The following PRDM6 variants were observed in gnomAD, a reference collection of about 807,000 sequenced individuals.
The protein encoded by PRDM6 is PR/SET domain 6.
A neutral mutation model predicts 60.8 loss-of-function variants in PRDM6; 25 were observed. The observed-to-expected ratio is 0.41, with a 90% CI of 0.30 to 0.57. The LOEUF (loss-of-function observed/expected upper bound fraction) is 0.57. Among genes scored for constraint, PRDM6 ranks in the 20% least tolerant of loss-of-function variants. The pLI is 0.27. For synonymous variants in PRDM6, 407 were observed against 357.4 expected (o/e 1.14, Z -1.57); for missense variants, 839 against 821.3 (o/e 1.02, Z -0.26).
In PRDM6 at chr5:123,103,252, G is replaced by T. The variant is rs535530013; in HGVS notation, c.900+3291G>T. Among the ~76,000 whole-genome samples, 8 of 151,764 alleles carry T rather than the reference G, an allele frequency of 5.3e-5. No homozygotes were observed. In the South Asian group the frequency reaches 1.7e-3, roughly 32 times the overall value. ...TAATTTTTTATTTTTTATAGTTTAAGAAGATTACAAGCTAAAAGCCAAATA... is the reference window on the plus strand; with the variant it reads ...TAATTTTTTATTTTTTATAGTTTAATAAGATTACAAGCTAAAAGCCAAATA... On this transcript the variant is annotated intron_variant, in intron 3 of 7. Coordinates refer to ENST00000407847, the MANE Select transcript of PRDM6 (RefSeq NM_001136239.4).
intron 2 of PRDM6, among the ~76,000 whole-genome samples, chr5:123,095,213 C>A (rs923570276): frequency 2.0e-5 from 3 of 152,212 alleles, no homozygotes; most frequent in Admixed American, 6.5e-5. Flanking sequence ...TGGCGGGGTG[C>A]AGTGGGGACG....
intron 3 of PRDM6, among the ~76,000 whole-genome samples, chr5:123,154,497 G>C (rs905938977): frequency 6.6e-6 from 1 of 151,094 alleles, no homozygotes; most frequent in Non-Finnish European, 1.5e-5. Context: ...ATGAGTTCAA[G>C]AAAAGCAAAA....
At chr5:123,183,755 A>G (rs1025896039) in intron 7 of PRDM6, among the ~76,000 whole-genome samples, 1 of 152,292 alleles carries the variant, frequency 6.6e-6, no homozygotes, top group Middle Eastern at 3.4e-3. Context: ...GGAAGGAAAT[A>G]AAGAAGTTAG....
At chr5:123,177,611 TACAC>T in intron 6 of PRDM6, among the ~76,000 whole-genome samples, 1 of 152,168 alleles carries the variant, frequency 6.6e-6, no homozygotes, top group Non-Finnish European at 1.5e-5. Context: ...AATGAGCATG[TACAC>T]ACACACACAA....
intron 6 of PRDM6, 25 bp downstream of exon 6, chr5:123,171,133 A>G (rs1765882255): frequency 2.0e-6 from 3 of 1,503,086 alleles, no homozygotes; most frequent in Middle Eastern, 1.7e-4. Flanking sequence ...CACTGCTGAC[A>G]GTGTGTTTGC....
chr5:123,149,522 T>C (rs560196513), intron 3 of PRDM6, among the ~76,000 whole-genome samples: 22 of 152,104 alleles, frequency 1.4e-4, no homozygotes, highest in Non-Finnish European at 3.2e-4. Context: ...ATTAAAACAT[T>C]TGTACTTGTT....
At chr5:123,176,269 G>GGA (rs1580540132) in intron 6 of PRDM6, among the ~76,000 whole-genome samples, 1 of 77,334 alleles carries the variant, frequency 1.3e-5, no homozygotes, top group African/African-American at 4.9e-5. Context: ...ATCTCAAATG[G>GGA]TAAAAAAAAA....
At position 123,155,996 on chromosome 5, in the gene PRDM6, C is replaced by T. The variant is rs1211451586; in HGVS notation, c.1013C>T (p.Thr338Ile). The T allele has an allele frequency of 6.4e-7, 1 of 1,551,534 alleles. No homozygotes were observed. The highest frequency in any genetic ancestry group is 2.0e-5 in the Admixed American group (1 of 50,976). Residue 338 changes from threonine to isoleucine, a missense_variant, in exon 4 of 8, where the codon ACA (threonine) becomes ATA (isoleucine). By Grantham distance (89) the Thr-to-Ile change is moderately conservative. Around this residue, in one of 2 missense-constraint regions of PRDM6, gnomAD observed 730 missense variants for 648.8 expected, o/e 1.13. Transcript: ENST00000407847. ...AGGCACTGCGGAGAACAGAATCTAA[C>T]AGTAGTTCAGTACAGGTAAAGTATA... Reference protein sequence around the residue: ...CARHCGEQNLTVVQYRSNIFY... With the variant: ...CARHCGEQNLIVVQYRSNIFY...
intron 3 of PRDM6, among the ~76,000 whole-genome samples, chr5:123,101,061 T>C (rs1019199073): frequency 1.3e-5 from 2 of 152,220 alleles, no homozygotes; most frequent in African/African-American, 4.8e-5. Context: ...AGAGATTGCC[T>C]CTCATACTTG....
rs142805429 is a variant in PRDM6 at position 123,150,544 on chromosome 5, G to A, written c.901-5340G>A. Among the ~76,000 whole-genome samples, 335 of 152,246 alleles carry A rather than the reference G, an allele frequency of 2.2e-3. 1 individual carries two copies. Among genetic ancestry groups the A allele is most frequent in the African/African-American group, 7.6e-3 (315 of 41,534 alleles). On this transcript the variant is annotated intron_variant, in intron 3 of 7. Coordinates refer to ENST00000407847, the MANE Select transcript of PRDM6 (RefSeq NM_001136239.4). ...TGTCTTATGGACTACAAAATACTGG[G>A]CCTCTACCTCCTGACACGCAGAGGA...
At chr5:123,117,161 C>T (rs965021248) in intron 3 of PRDM6, among the ~76,000 whole-genome samples, 1 of 152,140 alleles carries the variant, frequency 6.6e-6, no homozygotes, top group African/African-American at 2.4e-5. Flanking sequence ...CAGGGGTCCT[C>T]CAGGACTGCC....
intron 3 of PRDM6, among the ~76,000 whole-genome samples, chr5:123,129,899 TA>T (rs1764781915): frequency 6.6e-6 from 1 of 152,166 alleles, no homozygotes; most frequent in African/African-American, 2.4e-5. Flanking sequence ...TTCCTGTTTA[TA>T]AAAATAGCAT....
chr5:123,109,368 CTT>C (rs1291445002), intron 3 of PRDM6, among the ~76,000 whole-genome samples: 2 of 152,006 alleles, frequency 1.3e-5, no homozygotes, highest in African/African-American at 4.8e-5. Flanking sequence ...ATATTGATGA[CTT>C]TTGTGTAGTA....
intron 3 of PRDM6, among the ~76,000 whole-genome samples, chr5:123,102,383 T>C (rs1174860404): frequency 6.6e-6 from 1 of 152,200 alleles, no homozygotes; most frequent in African/African-American, 2.4e-5. Flanking sequence ...GTTACATTTA[T>C]AATACAATAT....
At chr5:123,156,335 G>T (rs189274444) in intron 4 of PRDM6, among the ~76,000 whole-genome samples, 25 of 152,312 alleles carry the variant, frequency 1.6e-4, no homozygotes, top group African/African-American at 5.8e-4. Context: ...TTCCCAAGCA[G>T]TCGTCTTCAC....
intron 7 of PRDM6, among the ~76,000 whole-genome samples, chr5:123,184,986 A>G (rs781189516): frequency 1.6e-4 from 24 of 152,126 alleles, no homozygotes; most frequent in Non-Finnish European, 2.9e-4. Context: ...TTTCTGGAAT[A>G]CTCTTCTTAT....
chr5:123,142,217 T>C (rs1451600870), intron 3 of PRDM6, among the ~76,000 whole-genome samples: 1 of 152,200 alleles, frequency 6.6e-6, no homozygotes, highest in Non-Finnish European at 1.5e-5. Context: ...AGTCAAGTAC[T>C]TATATTAAGA....
chr5:123,142,212 A>C (rs1007084231), intron 3 of PRDM6, among the ~76,000 whole-genome samples: 2 of 152,170 alleles, frequency 1.3e-5, no homozygotes, highest in Non-Finnish European at 2.9e-5. Context: ...CCAACAGTCA[A>C]GTACTTATAT....
At chr5:123,171,728 T>C (rs1472662494) in intron 6 of PRDM6, among the ~76,000 whole-genome samples, 3 of 152,184 alleles carry the variant, frequency 2.0e-5, no homozygotes, top group Non-Finnish European at 4.4e-5. Context: ...GGTTTGAAAG[T>C]TTGTCAATAA....
Sources: allele counts gnomAD v4.1 joint callset (sites outside exome capture counted in the v4.1 genomes callset), GRCh38; gene constraint gnomAD v4.1.1; regional missense constraint gnomAD v4.1.1; transcripts MANE v1.5; gene names NCBI Gene and HGNC (gene_info 2026-07-23, HGNC 2026-07-21).